The following CROCC variants were observed in gnomAD, a reference collection of about 807,000 sequenced individuals.
The protein encoded by CROCC is ciliary rootlet coiled-coil, rootletin, also known as rootletin.
In CROCC, 180 loss-of-function variants were observed where a neutral mutation model predicts 245.2. The ratio of observed to expected loss-of-function variants is 0.73; its 90% confidence interval spans 0.65 to 0.83. The LOEUF is 0.83. Among genes scored for constraint, CROCC ranks in the 40% least tolerant of loss-of-function variants. The pLI, the probability that CROCC is intolerant of heterozygous loss-of-function variation, is 0.00. For missense variants in CROCC, 2,688 were observed against 2,779.4 expected, an observed-to-expected ratio of 0.97 and a Z score of 0.74; for synonymous variants, 1,205 against 1,241.6, an observed-to-expected ratio of 0.97 and a Z score of 0.62.
intron 3 of CROCC, among the ~76,000 whole-genome samples, chr1:16,925,278 C>T (rs1184993401): frequency 6.6e-6 from 1 of 152,276 alleles, no homozygotes; most frequent in Admixed American, 6.5e-5. Flanking sequence ...TTATTGAGTG[C>T]CTACTATGTG....
In CROCC at chr1:16,938,459, G is replaced by A. The variant is rs1293068557; in HGVS notation, c.1350G>A (p.Gln450=). 1 of 1,580,008 alleles carries A rather than the reference G, an allele frequency of 6.3e-7. No homozygotes were observed. The highest frequency in any genetic ancestry group is 8.6e-7 in the Non-Finnish European group (1 of 1,163,726). Residue 450 remains glutamine (Q), a synonymous_variant, in exon 11 of 37, where the codon CAG becomes CAA. Transcript: ENST00000375541. ...AGACAGAGGATGGAGAGGGGCTACA[G>A]CAGACCCTAAGGGACCTGGCACAGG... is the stretch of plus-strand genomic sequence containing the variant. ...ALETEDGEGL[Q]QTLRDLAQAV...
At chr1:16,972,240 C>CA in intron 36 of CROCC, 120 bp from the exon 37 acceptor site, 1 of 806,020 alleles carries the variant, frequency 1.2e-6, no homozygotes, top group Non-Finnish European at 2.2e-6. Context: ...CCCTGGCTCT[C>CA]AGTGAGACCA....
intron 2 of CROCC, among the ~76,000 whole-genome samples, chr1:16,923,563 C>G (rs1459976347): frequency 6.6e-6 from 1 of 152,282 alleles, no homozygotes; most frequent in Non-Finnish European, 1.5e-5. Flanking sequence ...CTCCTCACAA[C>G]CTGACCTATG....
chr1:16,946,663 TC>T (rs1305771328), intron 16 of CROCC, 97 bp from the exon 17 acceptor site: 5 of 1,300,340 alleles, frequency 3.8e-6, no homozygotes, highest in Non-Finnish European at 4.3e-6. Flanking sequence ...CCTGGGAGCC[TC>T]CCCTGGGCTA....
Position 16,972,809 on chromosome 1 carries a change from G to A in CROCC, c.*363G>A, listed in dbSNP as rs2076545654. 1 of 176,428 alleles carries A rather than the reference G, an allele frequency of 5.7e-6. No individual in the cohort carries two copies. The highest frequency in any genetic ancestry group is 1.8e-4 in the South Asian group (1 of 5,528). 10.9% of individuals were successfully genotyped at this position (176,428 alleles called of 1,614,324 possible). ...GCCCAGGGCAGGGGTCAGAGGCCCA[G>A]GCCCTGACTTCGGCTTCCCAGAGAT... On this transcript the variant is annotated 3_prime_UTR_variant, in exon 37 of 37. Transcript: ENST00000375541.
rs767142964 is a variant in CROCC, at chr1:16,966,594, C to T, written c.4860+23C>T. ...CAGGTGGGCAGGAGCTGAGGGCCAG[C>T]GGGGCGACGGGGAATCTGTGTACCC... On this transcript the variant is annotated intron_variant, in intron 30 of 36. Coordinates refer to ENST00000375541, the MANE Select transcript of CROCC (RefSeq NM_014675.5). The surrounding 1 kb of genome is among the most constrained non-coding windows in gnomAD (Gnocchi z 4.8). 4.8e-6 allele frequency: 7 copies of T among 1,452,434 alleles called. No individual in the cohort carries two copies. Among genetic ancestry groups the T allele is most frequent in the African/African-American group, 2.9e-5 (2 of 69,916 alleles). 90.0% of individuals were successfully genotyped at this position (1,452,434 alleles called of 1,614,324 possible).
At chr1:16,938,757 G>A in intron 11 of CROCC, 152 bp from the exon 12 acceptor site, 2 of 836,634 alleles carry the variant, frequency 2.4e-6, no homozygotes, top group Non-Finnish European at 3.8e-6. Context: ...GCCGAGGACT[G>A]AGCTAGTGGA....
At chr1:16,928,043 C>G (rs145318970) in intron 3 of CROCC, among the ~76,000 whole-genome samples, 1 of 152,292 alleles carries the variant, frequency 6.6e-6, no homozygotes, top group African/African-American at 2.4e-5. Context: ...CCTTCCCTAC[C>G]GCTAACCTGG....
intron 1 of CROCC, 35 bp from the exon 2 acceptor site, chr1:16,922,628 C>T: frequency 5.1e-6 from 8 of 1,568,178 alleles, no homozygotes; most frequent in Non-Finnish European, 6.9e-6. Flanking sequence ...CCCCGGGTCC[C>T]ATGTCCCCTG....
Position 16,966,608 on chromosome 1 carries a change from A to G in CROCC, c.4860+37A>G, listed in dbSNP as rs2076423084. The G allele has an allele frequency of 3.5e-6, 5 of 1,449,276 alleles. No individual in the cohort carries two copies. The highest frequency in any genetic ancestry group is 4.5e-6 in the Non-Finnish European group (5 of 1,103,576). 89.8% of individuals were successfully genotyped at this position (1,449,276 alleles called of 1,614,324 possible). On this transcript the variant is annotated intron_variant, in intron 30 of 36. Coordinates refer to ENST00000375541, the MANE Select transcript of CROCC (RefSeq NM_014675.5). This position sits in a 1 kb window ranked among gnomAD's most constrained non-coding sequence, Gnocchi z 4.8. The stretch of plus-strand genomic sequence containing the variant: ...CTGAGGGCCAGCGGGGCGACGGGGA[A>G]TCTGTGTACCCGAGTGAGTGTCTAA...
chr1:16,929,397 A>T (rs1352085586), intron 3 of CROCC, among the ~76,000 whole-genome samples: 2 of 152,196 alleles, frequency 1.3e-5, no homozygotes, highest in Non-Finnish European at 2.9e-5. Context: ...TTCCACAGCC[A>T]CCATTCTAGT....
intron 3 of CROCC, among the ~76,000 whole-genome samples, chr1:16,925,532 G>A (rs1427992449): frequency 6.6e-6 from 1 of 152,278 alleles, no homozygotes; most frequent in Non-Finnish European, 1.5e-5. Flanking sequence ...AGAGACACTG[G>A]GCTAGGGATT....
intron 11 of CROCC, 26 bp downstream of exon 11, chr1:16,938,509 C>T (rs1159758847): frequency 1.6e-5 from 24 of 1,542,536 alleles, no homozygotes; most frequent in Non-Finnish European, 2.0e-5. Flanking sequence ...GGCGGGAAGA[C>T]AGCGCCCTGC....
At chr1:16,950,752 G>T (rs558900241) in intron 19 of CROCC, among the ~76,000 whole-genome samples, 287 of 152,346 alleles carry the variant, frequency 1.9e-3, no homozygotes, top group Non-Finnish European at 3.4e-3. Context: ...GCAGGAAAGG[G>T]GTCAGGGCCA....
At chr1:16,921,639 G>C (rs549961138), upstream of CROCC, among the ~76,000 whole-genome samples, 4 of 152,400 alleles carry the variant, frequency 2.6e-5, no homozygotes, top group African/African-American at 7.2e-5. Context: ...CCCTGGGCTT[G>C]GAGGGCTCTA....
chr1:16,972,731 T>C lies in CROCC; in HGVS notation c.*285T>C. 3.7e-6 allele frequency: 1 copy of C among 267,584 alleles called. No homozygotes were observed. Among genetic ancestry groups the C allele is most frequent in the South Asian group, 6.1e-5 (1 of 16,316 alleles). 16.6% of individuals were successfully genotyped at this position (267,584 alleles called of 1,614,324 possible). ...CGTAGCCAGGATTGGGGAGAGCCCT[T>C]GTCTCTGGTCAGCCCTGGAGCATGG... On this transcript the variant is annotated 3_prime_UTR_variant, in exon 37 of 37. Transcript: ENST00000375541.
chr1:16,923,974 G>A (rs1298475498), intron 2 of CROCC, among the ~76,000 whole-genome samples: 15 of 152,288 alleles, frequency 9.8e-5, no homozygotes, highest in African/African-American at 2.6e-4. Context: ...GTCCGTGCCC[G>A]CCCCACCCAT....
intron 34 of CROCC, 87 bp downstream of exon 34, chr1:16,970,540 C>G (rs558919107): frequency 8.8e-6 from 13 of 1,477,582 alleles, no homozygotes; most frequent in Middle Eastern, 3.9e-4. Flanking sequence ...TCTGCTACCT[C>G]TGGTGGGGTT....
Position 16,950,999 on chromosome 1 carries a change from A to G in CROCC, c.2883A>G (p.Lys961=). The part of the protein sequence containing the change: ...LRQQIIATQE[K]ASLDKELMAQ... Reference sequence around the variant, plus strand: ...AGCAAATAATAGCTACACAGGAGAAAGCCAGTCTAGACAAGGAGCTGATGG... The same window carrying G: ...AGCAAATAATAGCTACACAGGAGAAGGCCAGTCTAGACAAGGAGCTGATGG... Residue 961 remains lysine (K), a synonymous_variant, in exon 20 of 37, where the codon AAA becomes AAG. Coordinates refer to ENST00000375541, the MANE Select transcript of CROCC (RefSeq NM_014675.5). The G allele has an allele frequency of 1.2e-6, 2 of 1,602,510 alleles. No homozygotes were observed. Among genetic ancestry groups the G allele is most frequent in the Non-Finnish European group, 1.7e-6 (2 of 1,175,762 alleles).
Sources: gnomAD v4.1 joint callset for allele counts (sites outside exome capture counted in the v4.1 genomes callset) on GRCh38, gnomAD v4.1.1 for gene constraint, Gnocchi (gnomAD v3.1) non-coding constraint, MANE v1.5 for transcripts, NCBI Gene and HGNC (gene_info 2026-07-23, HGNC 2026-07-21) for gene names.